UBE2QL1: variants seen among roughly 807,000 people sequenced by gnomAD.
The protein encoded by UBE2QL1 is ubiquitin-conjugating enzyme E2Q-like protein 1.
UBE2QL1 carries 5 observed loss-of-function variants against 12.6 expected under a neutral mutation model. The ratio of observed to expected loss-of-function variants is 0.40; its 90% CI spans 0.21 to 0.83. The LOEUF (loss-of-function observed/expected upper bound fraction) is 0.83. Ranked by LOEUF, UBE2QL1 falls within the 40% of genes least tolerant of loss-of-function variation. UBE2QL1 has a pLI of 0.37. For missense variants in UBE2QL1, 99 were observed against 222.6 expected (o/e 0.44, Z 3.53); for synonymous variants, 96 against 94.5 (o/e 1.02, Z -0.10).
At chr5:6,470,582 G>A (rs1739891438) in intron 1 of UBE2QL1, among the ~76,000 whole-genome samples, 1 of 152,158 alleles carries the variant, frequency 6.6e-6, no homozygotes, top group South Asian at 2.1e-4. Context: ...GGCCCATGCT[G>A]TTCAGGATAG....
chr5:6,466,236 C>T (rs373218177), intron 1 of UBE2QL1, among the ~76,000 whole-genome samples: 2 of 152,354 alleles, frequency 1.3e-5, no homozygotes, highest in African/African-American at 4.8e-5. Flanking sequence ...ACCTCCAGTC[C>T]TTGTCAGCAC....
At chr5:6,460,009 C>T (rs1739617415) in intron 1 of UBE2QL1, among the ~76,000 whole-genome samples, 1 of 152,158 alleles carries the variant, frequency 6.6e-6, no homozygotes, top group African/African-American at 2.4e-5. Context: ...GCGAAAGATC[C>T]TAAACCTTAT....
chr5:6,473,576 C>T (rs546870179), intron 1 of UBE2QL1, among the ~76,000 whole-genome samples: 4 of 152,318 alleles, frequency 2.6e-5, no homozygotes. Context: ...GGAGCATTAA[C>T]GCTCTCTAAC....
chr5:6,477,758 C>A (rs1734270117), intron 1 of UBE2QL1, among the ~76,000 whole-genome samples: 1 of 152,176 alleles, frequency 6.6e-6, no homozygotes, highest in Non-Finnish European at 1.5e-5. Flanking sequence ...CACGTGTAAG[C>A]CAAAGACCAA....
chr5:6,496,456 C>T lies in UBE2QL1; in HGVS notation c.*5107C>T, dbSNP rs1035478504. Among the ~76,000 whole-genome samples the T allele has an allele frequency of 1.1e-4, 16 of 152,150 alleles. No individual in the cohort carries two copies. Among genetic ancestry groups the T allele is most frequent in the African/African-American group, 3.9e-4 (16 of 41,430 alleles). ...GACAGTGCTAGGATGCTGATCTGTA[C>T]ACCATGAGTGACTGCGAACTTTCAG... is the stretch of plus-strand genomic sequence containing the variant. On this transcript the variant is annotated 3_prime_UTR_variant, in exon 2 of 2. Coordinates refer to ENST00000399816, the MANE Select transcript of UBE2QL1 (RefSeq NM_001145161.3).
intron 1 of UBE2QL1, among the ~76,000 whole-genome samples, chr5:6,475,485 T>C (rs1212743192): frequency 6.6e-6 from 1 of 152,226 alleles, no homozygotes; most frequent in Non-Finnish European, 1.5e-5. Context: ...AAGTGTGTGC[T>C]GGGTTTCATT....
At chr5:6,449,278 G>T in intron 1 of UBE2QL1, 31 bp downstream of exon 1, 1 of 1,354,746 alleles carries the variant, frequency 7.4e-7, no homozygotes, top group Admixed American at 3.7e-5. Flanking sequence ...CTGGGGGCGC[G>T]GGGCCGAGAT....
rs193167477 is a variant in UBE2QL1, at chr5:6,478,100, T to C, written c.355-13118T>C. On this transcript the variant is annotated intron_variant, in intron 1 of 1. Transcript: ENST00000399816. The surrounding 1 kb of genome is among the most constrained non-coding windows in gnomAD (Gnocchi z 4.5). ...ATGTAGAGTCTTATTATTGCTGTGC[T>C]TTATTGCAAAAACAGACTATTTGAG... 6.6e-6 allele frequency among the ~76,000 whole-genome samples: 1 copy of C among 152,368 alleles called. No homozygotes were observed. Among genetic ancestry groups the C allele is most frequent in the Non-Finnish European group, 1.5e-5 (1 of 68,040 alleles).
chr5:6,484,242 G>A (rs1460086581), intron 1 of UBE2QL1, among the ~76,000 whole-genome samples: 2 of 152,200 alleles, frequency 1.3e-5, no homozygotes, highest in African/African-American at 4.8e-5. Context: ...CGTCGGAGGG[G>A]CAGCGAGCAG....
rs536491389 is a variant in UBE2QL1, at chr5:6,481,405, C to T, written c.355-9813C>T. 2.6e-5 allele frequency among the ~76,000 whole-genome samples: 4 copies of T among 152,284 alleles called. No homozygotes were observed. Among genetic ancestry groups the T allele is most frequent in the South Asian group, 2.1e-4 (1 of 4,828 alleles). On this transcript the variant is annotated intron_variant, in intron 1 of 1. Coordinates refer to ENST00000399816, the MANE Select transcript of UBE2QL1 (RefSeq NM_001145161.3). The surrounding 1 kb of genome is among the most constrained non-coding windows in gnomAD (Gnocchi z 4.5). ...AGGGCGGGTAGTGACATGGGTGCAG[C>T]GGCTAGGTGCAGGGAGGGTGACCTG...
At chr5:6,487,219 T>C (rs970362384) in intron 1 of UBE2QL1, among the ~76,000 whole-genome samples, 1 of 152,230 alleles carries the variant, frequency 6.6e-6, no homozygotes, top group Admixed American at 6.5e-5. Context: ...TGTCATCTTA[T>C]TAGCTGTGTT....
rs114385280 is a variant in UBE2QL1, at chr5:6,491,384, T to C, written c.*35T>C. 168,050 of 1,529,406 alleles carry C rather than the reference T, an allele frequency of 0.11. 10,232 individuals carry two copies. Among genetic ancestry groups the C allele is most frequent in the Non-Finnish European group, 0.13 (143,913 of 1,137,424 alleles). The allele number at this position is 1,529,406 out of a possible 1,614,324, so 94.7% of individuals were successfully genotyped here. On this transcript the variant is annotated 3_prime_UTR_variant, in exon 2 of 2. Transcript: ENST00000399816. The stretch of plus-strand genomic sequence containing the variant: ...CGTGCAGTAGACGCTCGAGCGCCTG[T>C]CCACACACACACCAGTACCCTGACA...
intron 1 of UBE2QL1, among the ~76,000 whole-genome samples, chr5:6,452,578 C>T (rs1198363940): frequency 6.6e-6 from 1 of 152,180 alleles, no homozygotes; most frequent in Non-Finnish European, 1.5e-5. Context: ...CAAAAGAATA[C>T]AACCCACAGC....
At chr5:6,470,405 T>C (rs895339423) in intron 1 of UBE2QL1, among the ~76,000 whole-genome samples, 6 of 152,210 alleles carry the variant, frequency 3.9e-5, no homozygotes, top group Non-Finnish European at 5.9e-5. Context: ...TTAAGAATTT[T>C]TTTCTGATTA....
chr5:6,489,994 C>A (rs576875527), intron 1 of UBE2QL1, among the ~76,000 whole-genome samples: 2 of 152,182 alleles, frequency 1.3e-5, no homozygotes, highest in African/African-American at 4.8e-5. Flanking sequence ...GAACAGCAGG[C>A]GATGGTTGGT....
chr5:6,473,371 A>G (rs538040355), intron 1 of UBE2QL1, among the ~76,000 whole-genome samples: 1 of 152,178 alleles, frequency 6.6e-6, no homozygotes, highest in Non-Finnish European at 1.5e-5. Context: ...CTCTATCTGG[A>G]GCACACAGCC....
chr5:6,450,435 C>A (rs1023345144), intron 1 of UBE2QL1, among the ~76,000 whole-genome samples: 2 of 152,266 alleles, frequency 1.3e-5, no homozygotes, highest in Non-Finnish European at 1.5e-5. Context: ...CGGTTGAGTT[C>A]TCTGGTGTTT....
Position 6,495,292 on chromosome 5 carries a change from A to G in UBE2QL1, c.*3943A>G, listed in dbSNP as rs538911942. ...GGAGCTTGCCCTGTGTGTAGCAATT[A>G]TATTTCAGTGTACCCATCCAATAGC... On this transcript the variant is annotated 3_prime_UTR_variant, in exon 2 of 2. Coordinates refer to ENST00000399816, the MANE Select transcript of UBE2QL1 (RefSeq NM_001145161.3). Among the ~76,000 whole-genome samples, 102 of 152,312 alleles carry G rather than the reference A, an allele frequency of 6.7e-4. No homozygotes were observed. Among genetic ancestry groups the G allele is most frequent in the African/African-American group, 2.3e-3 (97 of 41,560 alleles).
chr5:6,450,095 C>A (rs1383890446), intron 1 of UBE2QL1, among the ~76,000 whole-genome samples: 2 of 150,010 alleles, frequency 1.3e-5, no homozygotes, highest in Non-Finnish European at 3.0e-5. Flanking sequence ...GACCCCCCCC[C>A]CCCACGGCAA....
Sources: gnomAD v4.1 joint callset for allele counts (sites outside exome capture counted in the v4.1 genomes callset) on GRCh38, gnomAD v4.1.1 for gene constraint, Gnocchi (gnomAD v3.1) non-coding constraint, MANE v1.5 for transcripts, NCBI Gene and HGNC (gene_info 2026-07-23, HGNC 2026-07-21) for gene names.